The following STARD13 variants were observed in gnomAD, a reference collection of about 807,000 sequenced individuals.
The protein encoded by STARD13 is stAR-related lipid transfer protein 13.
STARD13 carries 62 observed loss-of-function variants against 106.4 expected under a neutral mutation model. That is an observed-to-expected ratio of 0.58 (90% CI 0.48 to 0.72). The LOEUF is 0.72. Ranked by LOEUF, STARD13 falls within the 30% of genes least tolerant of loss-of-function variation. The pLI is 0.00. For missense variants in STARD13, 1,387 were observed against 1,424.0 expected (o/e 0.97, Z 0.42); for synonymous variants, 565 against 553.0 (o/e 1.02, Z -0.31).
rs146674426 is a variant in STARD13, at chr13:33,138,702, T to C, written c.387+3608A>G. The C allele has an allele frequency of 6.0e-4, 196 of 326,082 alleles. 1 individual carries two copies. The highest frequency in any genetic ancestry group is 3.8e-3 in the African/African-American group (174 of 45,350). 20.2% of individuals were successfully genotyped at this position (326,082 alleles called of 1,614,324 possible). A position where few individuals can be genotyped will look rare whatever the true frequency, so the allele number is the denominator to read the frequency against. On this transcript the variant is annotated intron_variant, in intron 4 of 13. Transcript: ENST00000336934. ...TGCCGCGGGAGTGGAGAGCCCGAGC[T>C]GCAGGCGGCAGAAGTGCTGGTGTCC... is the stretch of plus-strand genomic sequence containing the variant.
the STARD13 span, among the ~76,000 whole-genome samples, chr13:33,628,184 CACACA>C: frequency 1.4e-5 from 2 of 146,776 alleles, no homozygotes; most frequent in African/African-American, 5.4e-5. Context: ...CACACACACA[CACACA>C]CACCACATGC....
chr13:33,388,477 TG>T, the STARD13 span, among the ~76,000 whole-genome samples: 1 of 152,204 alleles, frequency 6.6e-6, no homozygotes, highest in Admixed American at 6.5e-5. Context: ...TGTGTGGATT[TG>T]GAGGAGCTCT....
the STARD13 span, among the ~76,000 whole-genome samples, chr13:33,558,992 T>A: frequency 6.6e-6 from 1 of 151,592 alleles, no homozygotes. Context: ...GTAAGAATAG[T>A]TGACTTTTCA....
At chr13:33,389,050 G>T in the STARD13 span, among the ~76,000 whole-genome samples, 2 of 150,772 alleles carry the variant, frequency 1.3e-5, no homozygotes, top group Non-Finnish European at 2.9e-5. Flanking sequence ...CTGCCTCCCA[G>T]GTTCAAGCGA....
chr13:33,301,424 C>A (rs546969632), intron 1 of STARD13, among the ~76,000 whole-genome samples: 3 of 152,128 alleles, frequency 2.0e-5, no homozygotes, highest in East Asian at 1.9e-4. Flanking sequence ...GTCTAATATG[C>A]CTTTTACTTC....
chr13:33,229,335 G>A (rs1888787105), intron 1 of STARD13, among the ~76,000 whole-genome samples: 2 of 151,764 alleles, frequency 1.3e-5, no homozygotes, highest in African/African-American at 2.4e-5. Context: ...ACCCTATGGT[G>A]AAGACTGTGG....
At chr13:33,664,630 A>T in the STARD13 span, among the ~76,000 whole-genome samples, 2 of 151,372 alleles carry the variant, frequency 1.3e-5, no homozygotes, top group Admixed American at 6.6e-5. Context: ...AAAACTATTG[A>T]CTCTTTTATT....
At chr13:33,334,567 C>T (rs571149074) in intron 1 of STARD13, among the ~76,000 whole-genome samples, 5 of 152,278 alleles carry the variant, frequency 3.3e-5, no homozygotes, top group African/African-American at 1.2e-4. Context: ...CCTCTCACCC[C>T]CAAGACATAA....
chr13:33,174,311 AT>A (rs752740034), intron 1 of STARD13, among the ~76,000 whole-genome samples: 25 of 151,306 alleles, frequency 1.7e-4, no homozygotes, highest in East Asian at 1.9e-4. Flanking sequence ...ACACTTATGC[AT>A]TTTTTTTTCT....
chr13:33,542,503 C>T, the STARD13 span, among the ~76,000 whole-genome samples: 3 of 152,264 alleles, frequency 2.0e-5, no homozygotes, highest in Admixed American at 2.0e-4. Flanking sequence ...TTGAAAAAGA[C>T]GCACACGCAG....
chr13:33,530,332 C>T, the STARD13 span, among the ~76,000 whole-genome samples: 1 of 152,130 alleles, frequency 6.6e-6, no homozygotes, highest in African/African-American at 2.4e-5. Flanking sequence ...TCTTTTCCTC[C>T]CACCATAAGT....
Position 33,163,172 on chromosome 13 carries a change from G to C in STARD13, c.323+2165C>G, listed in dbSNP as rs553686451. Among the ~76,000 whole-genome samples, 7 of 152,230 alleles carry C rather than the reference G, an allele frequency of 4.6e-5. No individual in the cohort carries two copies. In the East Asian group the frequency reaches 1.4e-3, roughly 29 times the overall value. Reference sequence around the variant, plus strand: ...TTCACTACCATGAGAACAGTATGGAGGAAACCGCCCTCATGATTCAAATTA... The same window carrying C: ...TTCACTACCATGAGAACAGTATGGACGAAACCGCCCTCATGATTCAAATTA... On this transcript the variant is annotated intron_variant, in intron 3 of 13. Transcript: ENST00000336934.
At chr13:33,363,226 T>C in the STARD13 span, among the ~76,000 whole-genome samples, 1 of 152,228 alleles carries the variant, frequency 6.6e-6, no homozygotes, top group Admixed American at 6.5e-5. Flanking sequence ...TTTCTTGACA[T>C]CATGCCTTCA....
At chr13:33,484,788 G>A in the STARD13 span, among the ~76,000 whole-genome samples, 1 of 152,202 alleles carries the variant, frequency 6.6e-6, no homozygotes, top group African/African-American at 2.4e-5. Flanking sequence ...AGGTGATTAT[G>A]TAGTCATTTC....
At chr13:33,532,544 C>T in the STARD13 span, among the ~76,000 whole-genome samples, 1 of 152,056 alleles carries the variant, frequency 6.6e-6, no homozygotes, top group African/African-American at 2.4e-5. Flanking sequence ...TAGTTTTCTT[C>T]CTTTATGGCT....
intron 1 of STARD13, among the ~76,000 whole-genome samples, chr13:33,200,932 G>A (rs879733150): frequency 3.3e-5 from 5 of 151,896 alleles, no homozygotes; most frequent in Admixed American, 6.6e-5. Context: ...AGGCTGAGGC[G>A]GGAGAATGGC....
At chr13:33,659,400 G>C in the STARD13 span, among the ~76,000 whole-genome samples, 1 of 152,044 alleles carries the variant, frequency 6.6e-6, no homozygotes, top group Non-Finnish European at 1.5e-5. Context: ...GTTTTTAGTA[G>C]AGATGGGGTT....
chr13:33,105,685 T>C lies in STARD13; in HGVS notation c.3250A>G (p.Lys1084Glu), dbSNP rs1873592680. The C allele has an allele frequency of 6.2e-7, 1 of 1,614,120 alleles. No individual in the cohort carries two copies. Among genetic ancestry groups the C allele is most frequent in the Non-Finnish European group, 8.5e-7 (1 of 1,180,016 alleles). ...GCTGCACACAGATGTCCAAAGCCTT[T>C]GCTGTACCATTCTGGGGAGTGACCT... ...LKGHSPEWYS[K>E]GFGHLCAAEV... The change falls in exon 14 of 14, where the codon AAA (lysine) becomes GAA (glutamate). Residue 1084 changes from lysine to glutamate, a missense_variant. Transcript: ENST00000336934.
At chr13:33,190,833 C>T (rs530963922) in intron 1 of STARD13, among the ~76,000 whole-genome samples, 16 of 151,966 alleles carry the variant, frequency 1.1e-4, no homozygotes, top group African/African-American at 3.6e-4. Flanking sequence ...ATCCACCGGC[C>T]TTGGCCTCCC....
Sources: gnomAD v4.1 joint callset for allele counts (sites outside exome capture counted in the v4.1 genomes callset) on GRCh38, gnomAD v4.1.1 for gene constraint, MANE v1.5 for transcripts, NCBI Gene and HGNC (gene_info 2026-07-23, HGNC 2026-07-21) for gene names.